The following FGF12 variants were observed in gnomAD, a reference collection of about 807,000 sequenced individuals.
The protein encoded by FGF12 is fibroblast growth factor 12, also known as fibroblast growth factor 12B.
Under a neutral mutation model 23.6 loss-of-function variants are expected in FGF12, and 14 were observed. The observed-to-expected ratio is 0.59, with a 90% CI of 0.39 to 0.93. The LOEUF is 0.93. FGF12 is among the 40% of genes least tolerant of loss of function. The pLI, the probability that FGF12 is intolerant of heterozygous loss-of-function variation, is 0.00. For missense variants in FGF12, 175 were observed against 217.8 expected, an observed-to-expected ratio of 0.80 and a Z score of 1.24; for synonymous variants, 62 against 77.3, an observed-to-expected ratio of 0.80 and a Z score of 1.04.
intron 2 of FGF12, among the ~76,000 whole-genome samples, chr3:192,548,542 T>C (rs1189672202): frequency 6.6e-6 from 1 of 152,192 alleles, no homozygotes; most frequent in Non-Finnish European, 1.5e-5. Flanking sequence ...TCTTATCAAC[T>C]GTGTGGCTAT....
rs1713402221 is a variant in FGF12 at position 192,141,769 on chromosome 3, G to C, written c.*2240C>G. 1 of 147,738 alleles carries C rather than the reference G, an allele frequency of 6.8e-6. No homozygotes were observed. Among genetic ancestry groups the C allele is most frequent in the Non-Finnish European group, 1.5e-5 (1 of 66,420 alleles). The allele number at this position is 147,738 out of a possible 1,614,324, so 9.2% of individuals were successfully genotyped here. ...TTGATTTTTATGATTTGCATCAATT[G>C]TGTTATTTATGAAACCATCGTTTTA... On this transcript the variant is annotated 3_prime_UTR_variant, in exon 6 of 6. Coordinates refer to ENST00000445105, the MANE Select transcript of FGF12 (RefSeq NM_004113.6).
rs1719291598 is a variant in FGF12 at position 192,372,738 on chromosome 3, C to T, written c.14-12200G>A. Reference sequence around the variant, plus strand: ...ACACTACAGTCAAGGTAATATTTTACAATATAAATTGGATCATGTCACTCT... The same window carrying T: ...ACACTACAGTCAAGGTAATATTTTATAATATAAATTGGATCATGTCACTCT... On this transcript the variant is annotated intron_variant, in intron 2 of 5. Coordinates refer to ENST00000445105, the MANE Select transcript of FGF12 (RefSeq NM_004113.6). Among the ~76,000 whole-genome samples the T allele has an allele frequency of 3.3e-5, 5 of 152,176 alleles. No individual in the cohort carries two copies. The South Asian group carries it at 1.0e-3, about 31-fold the overall frequency.
chr3:192,583,845 C>G (rs992552075), intron 2 of FGF12, among the ~76,000 whole-genome samples: 1 of 152,120 alleles, frequency 6.6e-6, no homozygotes, highest in Non-Finnish European at 1.5e-5. Flanking sequence ...CTGAAATGAT[C>G]GTTTTATCTT....
At position 192,499,356 on chromosome 3, in the gene FGF12, A is replaced by G. The variant is rs1325433012; in HGVS notation, c.14-138818T>C. Among the ~76,000 whole-genome samples the G allele has an allele frequency of 4.6e-5, 7 of 151,320 alleles. No homozygotes were observed. In the East Asian group the frequency reaches 5.8e-4, roughly 13 times the overall value. ...CAAATCCCAAGTGTACTAAGAGGTA[A>G]AAGTTCTGGATTCAAAGATCCAGCC... On this transcript the variant is annotated intron_variant, in intron 2 of 5. Transcript: ENST00000445105.
intron 2 of FGF12, among the ~76,000 whole-genome samples, chr3:192,564,706 T>C (rs973533525): frequency 6.6e-6 from 1 of 152,218 alleles, no homozygotes; most frequent in African/African-American, 2.4e-5. Context: ...AGCAAGTTGA[T>C]GTAGCTTCAG....
intron 3 of FGF12, among the ~76,000 whole-genome samples, chr3:192,359,335 C>A (rs1718617132): frequency 6.6e-6 from 1 of 152,080 alleles, no homozygotes; most frequent in Admixed American, 6.6e-5. Context: ...TCAAATAGTT[C>A]TTAATAATTT....
intron 4 of FGF12, among the ~76,000 whole-genome samples, chr3:192,280,544 A>G (rs1046319330): frequency 2.0e-5 from 3 of 152,164 alleles, no homozygotes; most frequent in African/African-American, 7.2e-5. Context: ...CTGAGCAGAA[A>G]TTTTTATAGT....
intron 2 of FGF12, among the ~76,000 whole-genome samples, chr3:192,596,288 C>CT (rs1343508904): frequency 6.6e-6 from 1 of 151,732 alleles, no homozygotes; most frequent in Admixed American, 6.6e-5. Flanking sequence ...TCAATGACTA[C>CT]TTTTTTTGTT....
At position 192,330,421 on chromosome 3, in the gene FGF12, C is replaced by A. The variant is rs752956353; in HGVS notation, c.228+4940G>T. Among the ~76,000 whole-genome samples, 50 of 152,210 alleles carry A rather than the reference C, an allele frequency of 3.3e-4. 1 individual carries two copies. Among genetic ancestry groups the A allele is most frequent in the South Asian group, 2.3e-3 (11 of 4,830 alleles). On this transcript the variant is annotated intron_variant, in intron 4 of 5. Coordinates refer to ENST00000445105, the MANE Select transcript of FGF12 (RefSeq NM_004113.6). ...CACAATAGAGAGGCCCAGAAATAAACCCTTTAATATGTGGTCAAATCATCT... is the reference window on the plus strand; with the variant it reads ...CACAATAGAGAGGCCCAGAAATAAAACCTTTAATATGTGGTCAAATCATCT...
chr3:192,192,904 C>T (rs1716868526), intron 4 of FGF12, among the ~76,000 whole-genome samples: 1 of 152,094 alleles, frequency 6.6e-6, no homozygotes, highest in Non-Finnish European at 1.5e-5. Context: ...GCATCATGAA[C>T]TGTCAATAAA....
At chr3:192,534,198 A>T (rs1244731693) in intron 2 of FGF12, 1 of 152,254 alleles carries the variant, frequency 6.6e-6, no homozygotes, top group Non-Finnish European at 1.5e-5. Context: ...AGAAAAAAGT[A>T]TAAGCAGTAT....
At chr3:192,340,325 T>C (rs1254383354) in intron 3 of FGF12, among the ~76,000 whole-genome samples, 3 of 152,140 alleles carry the variant, frequency 2.0e-5, no homozygotes, top group Non-Finnish European at 4.4e-5. Flanking sequence ...ACAACCAGAT[T>C]GTAAGCTCTC....
rs1481846245 is a variant in FGF12 at position 192,471,120 on chromosome 3, G to A, written c.14-110582C>T. On this transcript the variant is annotated intron_variant, in intron 2 of 5. Transcript: ENST00000445105. ...CTCTTCAAGGCCTGTTCATTGTGATGTTACCAGTACTAGGAACGGTGCCTG... is the reference window on the plus strand; with the variant it reads ...CTCTTCAAGGCCTGTTCATTGTGATATTACCAGTACTAGGAACGGTGCCTG... 1.3e-5 allele frequency among the ~76,000 whole-genome samples: 2 copies of A among 152,140 alleles called. 1 individual carries two copies. The highest frequency in any genetic ancestry group is 4.8e-5 in the African/African-American group (2 of 41,418).
chr3:192,693,264 G>A (rs75364346), intron 2 of FGF12, among the ~76,000 whole-genome samples: 6,193 of 151,746 alleles, frequency 0.041, 449 homozygotes, highest in African/African-American at 0.14. Context: ...AAACCATAAG[G>A]TGAAATAAAT....
chr3:192,139,979 C>T lies in FGF12; in HGVS notation c.*4030G>A, dbSNP rs1175177040. On this transcript the variant is annotated 3_prime_UTR_variant, in exon 6 of 6. Transcript: ENST00000445105. ...CTAAAAAATAATTTCCTGTGCATCA[C>T]AAGGGGGATTAAAAATCACCAAAGT... 1 of 152,010 alleles carries T rather than the reference C, an allele frequency of 6.6e-6. No individual in the cohort carries two copies. Among genetic ancestry groups the T allele is most frequent in the East Asian group, 1.9e-4 (1 of 5,188 alleles). 9.4% of individuals were successfully genotyped at this position (152,010 alleles called of 1,614,324 possible).
intron 4 of FGF12, among the ~76,000 whole-genome samples, chr3:192,239,572 G>A (rs1003255811): frequency 5.9e-5 from 9 of 152,144 alleles, no homozygotes; most frequent in African/African-American, 1.4e-4. Context: ...GGTGAGCAGC[G>A]GGTGAGTGAG....
At chr3:192,260,015 AGCC>A (rs1712647529) in intron 4 of FGF12, among the ~76,000 whole-genome samples, 1 of 152,134 alleles carries the variant, frequency 6.6e-6, no homozygotes, top group Non-Finnish European at 1.5e-5. Context: ...CTGTGGGCTT[AGCC>A]TAAGTTTATA....
At position 192,259,547 on chromosome 3, in the gene FGF12, G is replaced by A. The variant is rs534555685; in HGVS notation, c.228+75814C>T. On this transcript the variant is annotated intron_variant, in intron 4 of 5. Transcript: ENST00000445105. Reference sequence around the variant, plus strand: ...ACGCACTAAGTCTCTGACATGCCATGTATAAATATTCATGGCAATAATTTT... The same window carrying A: ...ACGCACTAAGTCTCTGACATGCCATATATAAATATTCATGGCAATAATTTT... Among the ~76,000 whole-genome samples, 31 of 152,250 alleles carry A rather than the reference G, an allele frequency of 2.0e-4. No homozygotes were observed. The Middle Eastern group carries it at 0.014, about 67-fold the overall frequency.
intron 4 of FGF12, among the ~76,000 whole-genome samples, chr3:192,264,010 T>G (rs1233455452): frequency 6.6e-6 from 1 of 152,086 alleles, no homozygotes; most frequent in Non-Finnish European, 1.5e-5. Context: ...TTACTGAGCC[T>G]AAAGAGGATC....
Sources: gnomAD v4.1 joint callset for allele counts (sites outside exome capture counted in the v4.1 genomes callset) on GRCh38, gnomAD v4.1.1 for gene constraint, MANE v1.5 for transcripts, NCBI Gene and HGNC (gene_info 2026-07-23, HGNC 2026-07-21) for gene names.